The following SLIT3 variants were observed in gnomAD, a reference collection of about 807,000 sequenced individuals.
The protein encoded by SLIT3 is slit homolog 3 protein.
In SLIT3, 68 loss-of-function variants were observed where a neutral mutation model predicts 184.0. The observed-to-expected ratio is 0.37, with a 90% CI of 0.30 to 0.45. SLIT3 has a LOEUF of 0.45. SLIT3 is among the 20% of genes least tolerant of loss of function. SLIT3 has a pLI of 1.00. For missense variants in SLIT3, 1,707 were observed against 2,026.0 expected, an observed-to-expected ratio of 0.84 and a Z score of 3.02; for synonymous variants, 831 against 828.6, an observed-to-expected ratio of 1.00 and a Z score of -0.05.
intron 3 of SLIT3, among the ~76,000 whole-genome samples, chr5:169,201,915 G>T (rs777926206): frequency 6.6e-6 from 1 of 152,210 alleles, no homozygotes; most frequent in African/African-American, 2.4e-5. Flanking sequence ...CCACCAGTAT[G>T]CCTTAAGCAT....
intron 5 of SLIT3, 55 bp from the exon 6 acceptor site, chr5:168,844,710 G>T: frequency 6.5e-7 from 1 of 1,546,402 alleles, no homozygotes; most frequent in South Asian, 1.1e-5. Flanking sequence ...GTGAGGGGCC[G>T]GCGGCCCAGG....
chr5:168,839,329 G>C (rs1419878879), intron 6 of SLIT3, among the ~76,000 whole-genome samples: 2 of 152,082 alleles, frequency 1.3e-5, no homozygotes, highest in African/African-American at 4.8e-5. Context: ...TTCTTGGATG[G>C]GTCAGCACAG....
chr5:169,122,272 AGAG>A (rs2113290864), intron 4 of SLIT3, among the ~76,000 whole-genome samples: 1 of 152,320 alleles, frequency 6.6e-6, no homozygotes, highest in South Asian at 2.1e-4. Flanking sequence ...CACACTCTCG[AGAG>A]GAGAACCAAG....
intron 1 of SLIT3, among the ~76,000 whole-genome samples, chr5:169,288,233 T>C (rs760867781): frequency 6.6e-6 from 1 of 152,034 alleles, no homozygotes; most frequent in Non-Finnish European, 1.5e-5. Context: ...AAGGTCAGTG[T>C]TCTACACAGA....
intron 32 of SLIT3, among the ~76,000 whole-genome samples, chr5:168,677,598 A>C (rs1761454587): frequency 6.6e-6 from 1 of 152,044 alleles, no homozygotes; most frequent in Admixed American, 6.6e-5. Context: ...ACAGGCACCC[A>C]CCACCATCCC....
At chr5:169,068,023 CTAAT>C (rs1405277523) in intron 4 of SLIT3, among the ~76,000 whole-genome samples, 6 of 152,292 alleles carry the variant, frequency 3.9e-5, no homozygotes, top group Admixed American at 2.6e-4. Context: ...CATTAAAAAT[CTAAT>C]TAAAAGCCAG....
At position 168,768,521 on chromosome 5, in the gene SLIT3, A is replaced by G. The variant is rs199704447; in HGVS notation, c.1459+4260T>C. On this transcript the variant is annotated intron_variant, in intron 14 of 35. Transcript: ENST00000519560. The stretch of plus-strand genomic sequence containing the variant: ...GACAGCATGGTTCCTTCCCAAGGAA[A>G]GAAAGAACACTCAGACATCTGTGAT... Among the ~76,000 whole-genome samples the G allele has an allele frequency of 3.9e-5, 6 of 152,330 alleles. No individual in the cohort carries two copies. The East Asian group carries it at 1.2e-3, about 29-fold the overall frequency.
At chr5:168,720,046 T>G (rs1050081676) in intron 23 of SLIT3, 3 of 152,210 alleles carry the variant, frequency 2.0e-5, no homozygotes, top group African/African-American at 7.2e-5. Context: ...CCCAAGTAGC[T>G]GGGACTACAG....
chr5:168,733,756 T>C (rs1763352088), intron 20 of SLIT3, among the ~76,000 whole-genome samples: 1 of 150,130 alleles, frequency 6.7e-6, no homozygotes, highest in Non-Finnish European at 1.5e-5. Flanking sequence ...ATAACAAACC[T>C]GTACATTCAC....
chr5:169,030,837 C>T (rs1351390054), intron 4 of SLIT3, among the ~76,000 whole-genome samples: 5 of 152,114 alleles, frequency 3.3e-5, no homozygotes, highest in Admixed American at 6.5e-5. Flanking sequence ...CTTATTGGCT[C>T]GGAAGTAGAA....
intron 4 of SLIT3, among the ~76,000 whole-genome samples, chr5:168,884,549 G>GAGAT (rs1260481453): frequency 7.3e-5 from 3 of 41,140 alleles, no homozygotes; most frequent in African/African-American, 2.2e-4. Flanking sequence ...CCAATTACGA[G>GAGAT]ATATATATAT....
chr5:169,139,929 G>T (rs891987760), intron 4 of SLIT3, among the ~76,000 whole-genome samples: 3 of 152,106 alleles, frequency 2.0e-5, no homozygotes, highest in Non-Finnish European at 4.4e-5. Flanking sequence ...TATATTAACC[G>T]CAGCTCAGAC....
At chr5:168,904,707 T>C (rs1395057747) in intron 4 of SLIT3, among the ~76,000 whole-genome samples, 1 of 152,114 alleles carries the variant, frequency 6.6e-6, no homozygotes, top group Non-Finnish European at 1.5e-5. Context: ...TAGACATGTG[T>C]GTGCAATTAG....
intron 4 of SLIT3, among the ~76,000 whole-genome samples, chr5:168,988,475 AG>A (rs1216116897): frequency 6.6e-6 from 1 of 152,096 alleles, no homozygotes; most frequent in Non-Finnish European, 1.5e-5. Context: ...CAGATCCTTG[AG>A]TCTAACTCTC....
intron 4 of SLIT3, among the ~76,000 whole-genome samples, chr5:169,088,585 G>A (rs1293186617): frequency 6.6e-6 from 1 of 152,142 alleles, no homozygotes; most frequent in Non-Finnish European, 1.5e-5. Context: ...GCAGTATGGA[G>A]AGACTGATAA....
intron 20 of SLIT3, among the ~76,000 whole-genome samples, chr5:168,748,066 G>A (rs1754552121): frequency 6.6e-6 from 1 of 152,056 alleles, no homozygotes; most frequent in Admixed American, 6.5e-5. Context: ...CAGGGTCAGA[G>A]ACTCCTCCTC....
At chr5:168,705,724 C>G (rs139209529) in intron 26 of SLIT3, among the ~76,000 whole-genome samples, 4 of 152,326 alleles carry the variant, frequency 2.6e-5, no homozygotes, top group African/African-American at 9.6e-5. Context: ...TGAAGATACT[C>G]TCTTTGCTCT....
At chr5:168,747,056 C>T (rs1326094455) in intron 20 of SLIT3, among the ~76,000 whole-genome samples, 1 of 151,694 alleles carries the variant, frequency 6.6e-6, no homozygotes, top group African/African-American at 2.4e-5. Flanking sequence ...GGCACTTAGG[C>T]TGTTCCTGTT....
Position 168,734,137 on chromosome 5 carries a change from T to C in SLIT3, c.2271-9653A>G, listed in dbSNP as rs142848002. Among the ~76,000 whole-genome samples, 354 of 152,302 alleles carry C rather than the reference T, an allele frequency of 2.3e-3. 2 individuals are homozygous for C. Among genetic ancestry groups the C allele is most frequent in the African/African-American group, 8.0e-3 (331 of 41,572 alleles). On this transcript the variant is annotated intron_variant, in intron 20 of 35. Transcript: ENST00000519560. ...GCCCAGACTTTACCACAACACAATA[T>C]ATGCATGTAAGAAACCTGTACTTGT...
Sources: allele counts gnomAD v4.1 joint callset (sites outside exome capture counted in the v4.1 genomes callset), GRCh38; gene constraint gnomAD v4.1.1; transcripts MANE v1.5; gene names NCBI Gene and HGNC (gene_info 2026-07-23, HGNC 2026-07-21).